Variants in WFDC10B observed in about 807,000 individuals in gnomAD.
WFDC10B encodes the protein protein WFDC10B.
A neutral mutation model predicts 2.7 loss-of-function variants in WFDC10B; 1 was observed. The observed-to-expected ratio is 0.38, with a 90% CI of 0.13 to 1.79. The LOEUF (loss-of-function observed/expected upper bound fraction) is 1.79, where lower values mean the gene tolerates loss of function less well. Ranked by LOEUF, WFDC10B falls within the 40% of genes most tolerant of loss-of-function variation. The pLI is 0.33. For synonymous variants in WFDC10B, 26 were observed against 32.2 expected (o/e 0.81, Z 0.65); for missense variants, 71 against 87.8 (o/e 0.81, Z 0.76).
intron 2 of WFDC10B, among the ~76,000 whole-genome samples, chr20:45,690,469 C>T (rs1022261811): frequency 4.0e-5 from 6 of 151,464 alleles, no homozygotes; most frequent in African/African-American, 1.5e-4. Flanking sequence ...CCATCTGGTC[C>T]TGGACTCTTT....
Position 45,684,839 on chromosome 20 carries a change from G to T in WFDC10B, c.213C>A (p.Ser71Arg), listed in dbSNP as rs1201701501. ...CSAFCGNICM[S>R]IL Reference sequence around the variant, plus strand: ...CAGCCCACTCTCCCACTCATAGGATGCTCATACAAATGTTCCCACAGAAGG... The same window carrying T: ...CAGCCCACTCTCCCACTCATAGGATTCTCATACAAATGTTCCCACAGAAGG... Residue 71 changes from serine to arginine, a missense_variant, in exon 4 of 4, where the codon AGC (serine) becomes AGA (arginine). Coordinates refer to ENST00000330523, the MANE Select transcript of WFDC10B (RefSeq NM_172006.2). 1 of 1,613,834 alleles carries T rather than the reference G, an allele frequency of 6.2e-7. No individual in the cohort carries two copies. The highest frequency in any genetic ancestry group is 1.7e-5 in the Admixed American group (1 of 59,990).
At chr20:45,689,316 C>A (rs547710078) in intron 2 of WFDC10B, among the ~76,000 whole-genome samples, 3 of 151,686 alleles carry the variant, frequency 2.0e-5, no homozygotes, top group African/African-American at 7.3e-5. Flanking sequence ...ATTGACTTGG[C>A]GATGTGGGCT....
At chr20:45,695,821 C>CA (rs1983958833) in intron 2 of WFDC10B, among the ~76,000 whole-genome samples, 1 of 151,670 alleles carries the variant, frequency 6.6e-6, no homozygotes, top group Admixed American at 6.6e-5. Flanking sequence ...CCTGTCTCTA[C>CA]AAAAAACTAA....
At position 45,684,697 on chromosome 20, in the gene WFDC10B, G is replaced by T; in HGVS notation, c.*133C>A. The T allele has an allele frequency of 8.0e-7, 1 of 1,251,702 alleles. No individual in the cohort carries two copies. Among genetic ancestry groups the T allele is most frequent in the Non-Finnish European group, 1.1e-6 (1 of 895,994 alleles). The allele number at this position is 1,251,702 out of a possible 1,614,324, so 77.5% of individuals were successfully genotyped here. On this transcript the variant is annotated 3_prime_UTR_variant, in exon 4 of 4. Coordinates refer to ENST00000330523, the MANE Select transcript of WFDC10B (RefSeq NM_172006.2). Reference sequence around the variant, plus strand: ...TTATTTGACAGGGACAGGGAGTTCAGACACTGGGGAGGGTGGCATTCCTGT... The same window carrying T: ...TTATTTGACAGGGACAGGGAGTTCATACACTGGGGAGGGTGGCATTCCTGT...
In WFDC10B at chr20:45,696,575, C is replaced by T. The variant is rs139624346; in HGVS notation, c.-65+7922G>A. On this transcript the variant is annotated intron_variant, in intron 2 of 3. Coordinates refer to ENST00000330523, the MANE Select transcript of WFDC10B (RefSeq NM_172006.2). ...ATCAGAAATTAGAGTGGGACATCAC[C>T]ACCAACCTTACAGAACTAAAAAAAT... 1.7e-3 allele frequency among the ~76,000 whole-genome samples: 264 copies of T among 152,010 alleles called. 2 individuals carry two copies. Among genetic ancestry groups the T allele is most frequent in the African/African-American group, 5.6e-3 (233 of 41,456 alleles).
chr20:45,701,986 TTTGA>T, intron 2 of WFDC10B: 1 of 727,638 alleles, frequency 1.4e-6, no homozygotes, highest in Non-Finnish European at 2.3e-6. Flanking sequence ...CCCTGCCGGT[TTTGA>T]TTGGAGTACA....
intron 2 of WFDC10B, among the ~76,000 whole-genome samples, chr20:45,698,839 G>A (rs1984054954): frequency 6.6e-6 from 1 of 151,754 alleles, no homozygotes; most frequent in Non-Finnish European, 1.5e-5. Flanking sequence ...TGGGTGGCAG[G>A]CGCCTGTAAT....
intron 2 of WFDC10B, among the ~76,000 whole-genome samples, chr20:45,695,940 G>T (rs1983961789): frequency 6.6e-6 from 1 of 151,836 alleles, no homozygotes; most frequent in African/African-American, 2.4e-5. Context: ...CTTATGAGAT[G>T]CAGTAAAAGT....
At chr20:45,697,069 G>A (rs6073861) in intron 2 of WFDC10B, among the ~76,000 whole-genome samples, 28,835 of 152,034 alleles carry the variant, frequency 0.19, 2,984 homozygotes, top group East Asian at 0.33. Context: ...ATAAGACAAG[G>A]ATGCATCTTT....
chr20:45,694,789 G>A (rs952676394), intron 2 of WFDC10B, among the ~76,000 whole-genome samples: 2 of 152,276 alleles, frequency 1.3e-5, no homozygotes, highest in African/African-American at 4.8e-5. Flanking sequence ...GATGGAGCTG[G>A]TCACCAGAAA....
At chr20:45,699,738 G>C (rs1232085135) in intron 2 of WFDC10B, among the ~76,000 whole-genome samples, 2 of 152,162 alleles carry the variant, frequency 1.3e-5, no homozygotes, top group African/African-American at 4.8e-5. Flanking sequence ...GAGTGCAGTG[G>C]CTTGATCTTG....
chr20:45,691,913 T>C (rs992456275), intron 2 of WFDC10B, among the ~76,000 whole-genome samples: 8 of 152,246 alleles, frequency 5.3e-5, no homozygotes, highest in African/African-American at 1.7e-4. Context: ...TGTTAGTTGA[T>C]GCAGTTTCTT....
At position 45,684,816 on chromosome 20, in the gene WFDC10B, G is replaced by A. The variant is rs756252622; in HGVS notation, c.*14C>T. 3.1e-6 allele frequency: 5 copies of A among 1,613,090 alleles called. No homozygotes were observed. In the Admixed American group the frequency reaches 8.3e-5, roughly 27 times the overall value. On this transcript the variant is annotated 3_prime_UTR_variant, in exon 4 of 4. Transcript: ENST00000330523. ...TTCAGGGAGCAGGATGCACATCCCA[G>A]CCCACTCTCCCACTCATAGGATGCT...
At chr20:45,697,884 C>A (rs1984027527) in intron 2 of WFDC10B, among the ~76,000 whole-genome samples, 1 of 151,626 alleles carries the variant, frequency 6.6e-6, no homozygotes, top group Admixed American at 6.6e-5. Context: ...GCTGGGACTA[C>A]CAGAGTGTGC....
chr20:45,686,097 C>A (rs1983607953), intron 2 of WFDC10B, 41 bp from the exon 3 acceptor site: 1 of 1,510,716 alleles, frequency 6.6e-7, no homozygotes, highest in African/African-American at 1.4e-5. Context: ...TGATCTTCAG[C>A]TCCTCGCTGC....
At chr20:45,697,189 T>C (rs1984002252) in intron 2 of WFDC10B, among the ~76,000 whole-genome samples, 1 of 152,148 alleles carries the variant, frequency 6.6e-6, no homozygotes, top group African/African-American at 2.4e-5. Flanking sequence ...TCAGCTGTTT[T>C]TGTAAACACC....
chr20:45,685,067 C>T (rs779903407), intron 3 of WFDC10B, 107 bp from the exon 4 acceptor site: 40 of 1,455,318 alleles, frequency 2.7e-5, no homozygotes, highest in Non-Finnish European at 3.3e-5. Flanking sequence ...CCTGCCACCA[C>T]GACTCTCCTG....
intron 2 of WFDC10B, 121 bp from the exon 3 acceptor site, chr20:45,686,177 T>A (rs751452244): frequency 4.9e-6 from 6 of 1,220,710 alleles, no homozygotes; most frequent in Non-Finnish European, 6.6e-6. Flanking sequence ...GGCCCTGTCC[T>A]TCTCCATGTA....
At chr20:45,685,370 A>C (rs1983573750) in intron 3 of WFDC10B, among the ~76,000 whole-genome samples, 1 of 151,586 alleles carries the variant, frequency 6.6e-6, no homozygotes, top group East Asian at 1.9e-4. Context: ...CTTGCCTCTC[A>C]TCCCTCCTTC....
Sources: gnomAD v4.1 joint callset for allele counts (sites outside exome capture counted in the v4.1 genomes callset) on GRCh38, gnomAD v4.1.1 for gene constraint, MANE v1.5 for transcripts, NCBI Gene and HGNC (gene_info 2026-07-23, HGNC 2026-07-21) for gene names.